Variants in ZNF467 observed in about 807,000 individuals in gnomAD.
ZNF467 encodes the protein zinc finger protein EZI.
Under a neutral mutation model 47.8 loss-of-function variants are expected in ZNF467, and 51 were observed. The observed-to-expected ratio is 1.07, with a 90% CI of 0.85 to 1.35. The LOEUF is 1.35. ZNF467 is among the 40% of genes most tolerant of loss of function. The pLI, the probability that ZNF467 is intolerant of heterozygous loss-of-function variation, is 0.00. For missense variants in ZNF467, 992 were observed against 858.1 expected, an observed-to-expected ratio of 1.16 and a Z score of -1.95; for synonymous variants, 416 against 372.9, an observed-to-expected ratio of 1.12 and a Z score of -1.33.
At chr7:149,776,462 A>G (rs774923570), upstream of ZNF467, 1 of 1,339,868 alleles carries the variant, frequency 7.5e-7, no homozygotes, top group South Asian at 1.2e-5. Context: ...TGGCGGCTGG[A>G]CCTGCCCTGG....
Position 149,765,218 on chromosome 7 carries a change from C to T in ZNF467, c.1284G>A (p.Glu428=), listed in dbSNP as rs1276851748. 2.7e-6 allele frequency: 4 copies of T among 1,497,648 alleles called. No homozygotes were observed. Among genetic ancestry groups the T allele is most frequent in the Non-Finnish European group, 2.7e-6 (3 of 1,127,316 alleles). 92.8% of individuals were successfully genotyped at this position (1,497,648 alleles called of 1,614,324 possible). A position where few individuals can be genotyped will look rare whatever the true frequency, so the allele number is the denominator to read the frequency against. ...PVVPQRAPSG[E]RSFFCPDCGR... is the part of the protein sequence containing the mutation. ...CGCAGTCCGGGCAGAAGAAGGACCG[C>T]TCGCCCGAGGGGGCGCGCTGGGGCA... The change falls in exon 5 of 5, where the codon GAG becomes GAA. Residue 428 remains glutamate, a synonymous_variant. Transcript: ENST00000302017.
Position 149,766,244 on chromosome 7 carries a change from A to G in ZNF467, c.263-5T>C, listed in dbSNP as rs1479084837. 5.3e-6 allele frequency: 8 copies of G among 1,513,988 alleles called. No individual in the cohort carries two copies. The highest frequency in any genetic ancestry group is 1.3e-5 in the South Asian group (1 of 75,474). 93.8% of individuals were successfully genotyped at this position (1,513,988 alleles called of 1,614,324 possible). ...TCCGAATCATCCACTCCTCTCCTGG[A>G]AAGTCAAAACAAGAATTGTCTATTG... On this transcript the variant is annotated splice_region_variant and splice_polypyrimidine_tract_variant and intron_variant, in intron 4 of 4. Coordinates refer to ENST00000302017, the MANE Select transcript of ZNF467 (RefSeq NM_207336.3).
chr7:149,766,082 G>T lies in ZNF467; in HGVS notation c.420C>A (p.Ala140=), dbSNP rs1364036431. ...LAAAYKLEPG[A]PGALSGLALS... ...GCGCGAGCCCACTCAGTGCCCCCGG[G>T]GCCCCTGGCTCCAGTTTGTACGCGG... is the stretch of plus-strand genomic sequence containing the variant. The change falls in exon 5 of 5, where the codon GCC becomes GCA. Residue 140 remains alanine, a synonymous_variant. Transcript: ENST00000302017. The T allele has an allele frequency of 1.9e-6, 3 of 1,610,386 alleles. No individual in the cohort carries two copies. Among genetic ancestry groups the T allele is most frequent in the African/African-American group, 2.7e-5 (2 of 74,844 alleles).
upstream of ZNF467, among the ~76,000 whole-genome samples, chr7:149,774,975 C>T (rs772082000): frequency 3.3e-5 from 5 of 152,058 alleles, no homozygotes; most frequent in African/African-American, 9.7e-5. This position sits in a 1 kb window ranked among gnomAD's most constrained non-coding sequence, Gnocchi z 5.7. Flanking sequence ...GGTGTGGAGT[C>T]GGAGCCAGGC....
At chr7:149,767,451 C>T (rs1799259011) in intron 4 of ZNF467, among the ~76,000 whole-genome samples, 1 of 152,254 alleles carries the variant, frequency 6.6e-6, no homozygotes, top group South Asian at 2.1e-4. Flanking sequence ...TCTATCAGTC[C>T]ATTGATTCCA....
rs751039873 is a variant in ZNF467, at chr7:149,765,798, A to T, written c.704T>A (p.Leu235Gln). ...GGGCCGCTCGCCCGTGTGCGTGCGC[A>T]GGTGGCGGGTCAGATGGGCCTTCTT... ...FSKKAHLTRHLRTHTGERPYP... is the reference protein window; with the variant it reads ...FSKKAHLTRHQRTHTGERPYP... Residue 235 changes from leucine (L) to glutamine (Q), a missense_variant, in exon 5 of 5, where the codon CTG becomes CAG. Physicochemically the swap from Leu to Gln is moderately radical, Grantham distance 113. Transcript: ENST00000302017. 1 of 1,610,556 alleles carries T rather than the reference A, an allele frequency of 6.2e-7. No homozygotes were observed. The highest frequency in any genetic ancestry group is 1.7e-5 in the Admixed American group (1 of 59,708).
upstream of ZNF467, among the ~76,000 whole-genome samples, chr7:149,775,825 C>G (rs375563482): frequency 6.6e-6 from 1 of 152,092 alleles, no homozygotes; most frequent in South Asian, 2.1e-4. Context: ...CTCTGAGGGG[C>G]TGGTGTGGCA....
chr7:149,768,217 A>C (rs1287720799), intron 4 of ZNF467, among the ~76,000 whole-genome samples: 1 of 152,204 alleles, frequency 6.6e-6, no homozygotes, highest in East Asian at 1.9e-4. Context: ...TATTAAGGTC[A>C]TCTCAACCAG....
In ZNF467 at chr7:149,765,514, G is replaced by A. The variant is rs756391739; in HGVS notation, c.988C>T (p.Pro330Ser). The A allele has an allele frequency of 1.3e-6, 2 of 1,579,458 alleles. No homozygotes were observed. The highest frequency in any genetic ancestry group is 2.3e-5 in the South Asian group (2 of 86,748). The change falls in exon 5 of 5, where the codon CCC becomes TCC. Residue 330 changes from proline to serine, a missense_variant. By Grantham distance (74) the Pro-to-Ser change is moderately conservative (BLOSUM62 -1). Coordinates refer to ENST00000302017, the MANE Select transcript of ZNF467 (RefSeq NM_207336.3). Reference sequence around the variant, plus strand: ...GGAGAAGCGGACGAGTCGGGAGAGGGCCTGGCCGGGCCGGCCGTCTGGTGC... The same window carrying A: ...GGAGAAGCGGACGAGTCGGGAGAGGACCTGGCCGGGCCGGCCGTCTGGTGC... ...RVHQTAGPAR[P>S]SPDSSASPHS...
intron 1 of ZNF467, among the ~76,000 whole-genome samples, chr7:149,772,196 A>C (rs1585960301): frequency 4.5e-5 from 2 of 44,606 alleles, no homozygotes; most frequent in Non-Finnish European, 4.1e-5. Context: ...TCCTCGCCTC[A>C]CCTCGGTTCC....
At chr7:149,773,944 G>A (rs1799507047), upstream of ZNF467, among the ~76,000 whole-genome samples, 1 of 152,184 alleles carries the variant, frequency 6.6e-6, no homozygotes, top group East Asian at 1.9e-4. Flanking sequence ...GGGCCCCTGT[G>A]CTTGCGAGAA....
chr7:149,770,586 A>T, intron 2 of ZNF467, 30 bp from the exon 3 acceptor site: 1 of 1,578,834 alleles, frequency 6.3e-7, no homozygotes, highest in South Asian at 1.1e-5. Flanking sequence ...GGGTCCAAGT[A>T]AAGCATCCAG....
intron 4 of ZNF467, among the ~76,000 whole-genome samples, chr7:149,767,945 T>C (rs1799272782): frequency 6.6e-6 from 1 of 152,168 alleles, no homozygotes; most frequent in African/African-American, 2.4e-5. Flanking sequence ...GCATGGACCT[T>C]CCACTTCAGC....
chr7:149,767,364 A>G (rs556154240), intron 4 of ZNF467, among the ~76,000 whole-genome samples: 1 of 152,354 alleles, frequency 6.6e-6, no homozygotes, highest in South Asian at 2.1e-4. Context: ...TTAAGCAGAT[A>G]ATTTGGGTTC....
In ZNF467 at chr7:149,765,623, G is replaced by A. The variant is rs774197776; in HGVS notation, c.879C>T (p.Ile293=). The A allele has an allele frequency of 1.2e-6, 2 of 1,606,726 alleles. No individual in the cohort carries two copies. The highest frequency in any genetic ancestry group is 1.7e-6 in the Non-Finnish European group (2 of 1,176,920). Residue 293 remains isoleucine, a synonymous_variant, in exon 5 of 5, where the codon ATC becomes ATT. Transcript: ENST00000302017. ...ACTGGTAGGGCCTCTCGCCCGTATG[G>A]ATGCGCTGGTGCCGAATCAAGTGCG... is the stretch of plus-strand genomic sequence containing the variant. ...KKTHLIRHQR[I]HTGERPYQCA...
Position 149,769,242 on chromosome 7 carries a change from C to T in ZNF467, c.152-42G>A. On this transcript the variant is annotated intron_variant, in intron 3 of 4. Coordinates refer to ENST00000302017, the MANE Select transcript of ZNF467 (RefSeq NM_207336.3). The surrounding 1 kb of genome is among the most constrained non-coding windows in gnomAD (Gnocchi z 5.3). ...TACCTCAAGGACTCTGGAGACATCA[C>T]AGATGGCCAAAGGGCCCCACTGGTG... 2 of 1,507,690 alleles carry T rather than the reference C, an allele frequency of 1.3e-6. No homozygotes were observed. The highest frequency in any genetic ancestry group is 1.8e-6 in the Non-Finnish European group (2 of 1,123,436). The allele number at this position is 1,507,690 out of a possible 1,614,324, so 93.4% of individuals were successfully genotyped here.
chr7:149,773,515 G>C lies in ZNF467; in HGVS notation c.-450C>G, dbSNP rs1799494116. ...AGGGGAGGGGAGGGGAGGGGAGGGT[G>C]ATGGGAGAGGGGGTGGAGGAGGGCG... On this transcript the variant is annotated 5_prime_UTR_variant, in exon 1 of 5. It adds an upstream start codon to the 5' untranslated region. Transcript: ENST00000302017. The C allele has an allele frequency of 9.1e-6, 1 of 109,838 alleles. No homozygotes were observed. Among genetic ancestry groups the C allele is most frequent in the African/African-American group, 4.1e-5 (1 of 24,240 alleles). 6.8% of individuals were successfully genotyped at this position (109,838 alleles called of 1,614,324 possible).
rs577003748 is a variant in ZNF467 at position 149,764,981 on chromosome 7, C to A, written c.1521G>T (p.Ala507=). The change falls in exon 5 of 5, where the codon GCG becomes GCT. Residue 507 remains alanine (A), a synonymous_variant. Coordinates refer to ENST00000302017, the MANE Select transcript of ZNF467 (RefSeq NM_207336.3). ...CGTGGGGGCGGCTGCCAGTGTGCACCGCCTGGTGGCGGCCCAGGTGCGACT... is the reference window on the plus strand; with the variant it reads ...CGTGGGGGCGGCTGCCAGTGTGCACAGCCTGGTGGCGGCCCAGGTGCGACT... ...SRKSHLGRHQ[A]VHTGSRPHAC... is the part of the protein sequence containing the mutation. 1.3e-6 allele frequency: 2 copies of A among 1,591,308 alleles called. No homozygotes were observed. The highest frequency in any genetic ancestry group is 1.3e-5 in the African/African-American group (1 of 74,212).
At chr7:149,766,301 C>T (rs757371833) in intron 4 of ZNF467, 62 bp from the exon 5 acceptor site, 39 of 1,507,590 alleles carry the variant, frequency 2.6e-5, no homozygotes, top group Non-Finnish European at 3.5e-5. Flanking sequence ...TATTTAACCA[C>T]AGGATCTCCA....
Sources: gnomAD v4.1 joint callset for allele counts (sites outside exome capture counted in the v4.1 genomes callset) on GRCh38, gnomAD v4.1.1 for gene constraint, Gnocchi (gnomAD v3.1) non-coding constraint, MANE v1.5 for transcripts, NCBI Gene and HGNC (gene_info 2026-07-23, HGNC 2026-07-21) for gene names.